The following KIRREL3 variants were observed in gnomAD, a reference collection of about 807,000 sequenced individuals.
The protein encoded by KIRREL3 is kirre like nephrin family adhesion molecule 3, also known as kin of IRRE-like protein 3.
In KIRREL3, 36 loss-of-function variants were observed where a neutral mutation model predicts 89.7. The observed-to-expected ratio is 0.40, with a 90% CI of 0.31 to 0.53. The LOEUF is 0.53. Among genes scored for constraint, KIRREL3 ranks in the 20% least tolerant of loss-of-function variants. The pLI, the probability that KIRREL3 is intolerant of heterozygous loss-of-function variation, is 0.49. For synonymous variants in KIRREL3, 445 were observed against 441.4 expected (o/e 1.01, Z -0.10); for missense variants, 864 against 1,056.6 (o/e 0.82, Z 2.53).
intron 1 of KIRREL3, among the ~76,000 whole-genome samples, chr11:126,957,275 T>G (rs2135167736): frequency 6.6e-6 from 1 of 152,332 alleles, no homozygotes; most frequent in East Asian, 1.9e-4. Flanking sequence ...TCGTGAAAAC[T>G]GCTCATGACT....
At chr11:126,581,257 C>A (rs991269323) in intron 1 of KIRREL3, among the ~76,000 whole-genome samples, 4 of 152,096 alleles carry the variant, frequency 2.6e-5, no homozygotes, top group African/African-American at 9.7e-5. Context: ...GGCTGGAGTG[C>A]AGTGGTGCAA....
rs758811431 is a variant in KIRREL3 at position 126,424,696 on chromosome 11, C to G, written c.2221G>C (p.Val741Leu). ...GCCTTGCTGGCCTTGTCGAACTGCA[C>G]ATAGCCATCCTGCTTGCCGCTGCTG... ...VSSSGKQDGY[V>L]QFDKASKASA... The change falls in exon 17 of 17, where the codon GTG becomes CTG. Residue 741 changes from valine (V) to leucine (L), a missense_variant. By Grantham distance (32) the Val-to-Leu change is conservative. Coordinates refer to ENST00000525144, the MANE Select transcript of KIRREL3 (RefSeq NM_032531.4). 6.2e-7 allele frequency: 1 copy of G among 1,614,028 alleles called. No individual in the cohort carries two copies. The highest frequency in any genetic ancestry group is 1.7e-5 in the Admixed American group (1 of 60,032).
At position 126,521,217 on chromosome 11, in the gene KIRREL3, G is replaced by T; in HGVS notation, c.433+98C>A. 7.7e-7 allele frequency: 1 copy of T among 1,292,142 alleles called. No individual in the cohort carries two copies. Among genetic ancestry groups the T allele is most frequent in the Non-Finnish European group, 1.0e-6 (1 of 977,476 alleles). The allele number at this position is 1,292,142 out of a possible 1,614,324, so 80.0% of individuals were successfully genotyped here. A position where few individuals can be genotyped will look rare whatever the true frequency, so the allele number is the denominator to read the frequency against. Reference sequence around the variant, plus strand: ...GGAGCCCTGTGGGATGATCCCCAGAGGGGAGTCTCCCCATGTCTGACCAAA... The same window carrying T: ...GGAGCCCTGTGGGATGATCCCCAGATGGGAGTCTCCCCATGTCTGACCAAA... On this transcript the variant is annotated intron_variant, in intron 4 of 16. Coordinates refer to ENST00000525144, the MANE Select transcript of KIRREL3 (RefSeq NM_032531.4). This position sits in a 1 kb window ranked among gnomAD's most constrained non-coding sequence, Gnocchi z 4.1.
chr11:126,964,099 G>A (rs890555210), intron 1 of KIRREL3, among the ~76,000 whole-genome samples: 1 of 152,164 alleles, frequency 6.6e-6, no homozygotes, highest in African/African-American at 2.4e-5. Context: ...TACAAGGTTT[G>A]AGAAAGAGAA....
At position 126,491,705 on chromosome 11, in the gene KIRREL3, C is replaced by CT. The variant is rs530721699; in HGVS notation, c.434-18240dup. On this transcript the variant is annotated intron_variant, in intron 4 of 16. Coordinates refer to ENST00000525144, the MANE Select transcript of KIRREL3 (RefSeq NM_032531.4). The surrounding 1 kb of genome is among the most constrained non-coding windows in gnomAD (Gnocchi z 5.5). ...GGATGTTTTTCTTTTTTTCTTTTTT[C>CT]TTTTTTTTTATATTTATACGGAGTC... is the stretch of plus-strand genomic sequence containing the variant. 6.6e-5 allele frequency among the ~76,000 whole-genome samples: 10 copies of CT among 151,268 alleles called. No homozygotes were observed. The highest frequency in any genetic ancestry group is 2.1e-4 in the South Asian group (1 of 4,774).
At position 126,429,345 on chromosome 11, in the gene KIRREL3, C is replaced by A; in HGVS notation, c.1697-57G>T. On this transcript the variant is annotated intron_variant, in intron 14 of 16. Coordinates refer to ENST00000525144, the MANE Select transcript of KIRREL3 (RefSeq NM_032531.4). The surrounding 1 kb of genome is among the most constrained non-coding windows in gnomAD (Gnocchi z 5.2). ...GATTTAGTTCTTACCTTTGAGATGT[C>A]AAGCTCCCTTGCAGTCCCCTGCCCC... is the stretch of plus-strand genomic sequence containing the variant. 1 of 1,299,366 alleles carries A rather than the reference C, an allele frequency of 7.7e-7. No homozygotes were observed. The highest frequency in any genetic ancestry group is 1.2e-5 in the South Asian group (1 of 82,880). 80.5% of individuals were successfully genotyped at this position (1,299,366 alleles called of 1,614,324 possible).
chr11:126,551,585 T>C lies in KIRREL3; in HGVS notation c.133+11250A>G, dbSNP rs1939265627. 6.6e-6 allele frequency among the ~76,000 whole-genome samples: 1 copy of C among 151,880 alleles called. No individual in the cohort carries two copies. Among genetic ancestry groups the C allele is most frequent in the Admixed American group, 6.5e-5 (1 of 15,268 alleles). On this transcript the variant is annotated intron_variant, in intron 2 of 16. Transcript: ENST00000525144. This position sits in a 1 kb window ranked among gnomAD's most constrained non-coding sequence, Gnocchi z 4.9. Reference sequence around the variant, plus strand: ...CAGCAAAAGAATATATATGATCATTTAACAATTAGTCCAGTGCACTGTATT... The same window carrying C: ...CAGCAAAAGAATATATATGATCATTCAACAATTAGTCCAGTGCACTGTATT...
rs1957658246 is a variant in KIRREL3 at position 126,496,455 on chromosome 11, T to C, written c.434-22989A>G. On this transcript the variant is annotated intron_variant, in intron 4 of 16. Transcript: ENST00000525144. This position sits in a 1 kb window ranked among gnomAD's most constrained non-coding sequence, Gnocchi z 4.9. ...CAGTCTTAGGGCCTAGGAATTCCCA[T>C]GATAAGTTCAGTGCCTTCCCTGCCA... Among the ~76,000 whole-genome samples, 1 of 151,990 alleles carries C rather than the reference T, an allele frequency of 6.6e-6. No homozygotes were observed. Among genetic ancestry groups the C allele is most frequent in the South Asian group, 2.1e-4 (1 of 4,822 alleles).
chr11:126,633,747 T>C (rs953970089), intron 1 of KIRREL3, among the ~76,000 whole-genome samples: 62 of 152,170 alleles, frequency 4.1e-4, no homozygotes, highest in Non-Finnish European at 2.9e-5. Flanking sequence ...ATGAAAAGGG[T>C]CTAAGAAAAA....
rs950538210 is a variant in KIRREL3 at position 126,611,928 on chromosome 11, G to A, written c.56-49016C>T. On this transcript the variant is annotated intron_variant, in intron 1 of 16. Coordinates refer to ENST00000525144, the MANE Select transcript of KIRREL3 (RefSeq NM_032531.4). This position sits in a 1 kb window ranked among gnomAD's most constrained non-coding sequence, Gnocchi z 4.7. ...GTCCTTCTCTGGTGACTTTGTCCACGTGGATCTTCAGTTCCTTCAACATGT... is the reference window on the plus strand; with the variant it reads ...GTCCTTCTCTGGTGACTTTGTCCACATGGATCTTCAGTTCCTTCAACATGT... Among the ~76,000 whole-genome samples, 3 of 152,192 alleles carry A rather than the reference G, an allele frequency of 2.0e-5. No homozygotes were observed. The highest frequency in any genetic ancestry group is 6.5e-5 in the Admixed American group (1 of 15,280).
At chr11:126,494,288 G>A (rs1011321531) in intron 4 of KIRREL3, among the ~76,000 whole-genome samples, 1 of 152,162 alleles carries the variant, frequency 6.6e-6, no homozygotes, top group Non-Finnish European at 1.5e-5. Flanking sequence ...TGTTTTTGCT[G>A]TAAATAAAAT....
Position 126,490,794 on chromosome 11 carries a change from G to A in KIRREL3, c.434-17328C>T, listed in dbSNP as rs563151738. 1.3e-4 allele frequency among the ~76,000 whole-genome samples: 20 copies of A among 152,148 alleles called. No individual in the cohort carries two copies. The highest frequency in any genetic ancestry group is 4.8e-4 in the African/African-American group (20 of 41,510). ...TGGGTCTGCCTTCTTCATCTCTTGCGAGTCTGGGACTCCAAGGGCCGAGCA... is the reference window on the plus strand; with the variant it reads ...TGGGTCTGCCTTCTTCATCTCTTGCAAGTCTGGGACTCCAAGGGCCGAGCA... On this transcript the variant is annotated intron_variant, in intron 4 of 16. Coordinates refer to ENST00000525144, the MANE Select transcript of KIRREL3 (RefSeq NM_032531.4). This position sits in a 1 kb window ranked among gnomAD's most constrained non-coding sequence, Gnocchi z 4.2.
In KIRREL3 at chr11:126,668,645, T is replaced by G. The variant is rs1050825511; in HGVS notation, c.56-105733A>C. ...CCCTTCTCGGTTTTCTCAGATAGCA[T>G]GCCATTTGCTGTCTCAAATCTATAA... On this transcript the variant is annotated intron_variant, in intron 1 of 16. Transcript: ENST00000525144. The surrounding 1 kb of genome is among the most constrained non-coding windows in gnomAD (Gnocchi z 4.4). Among the ~76,000 whole-genome samples the G allele has an allele frequency of 1.3e-5, 2 of 152,216 alleles. No homozygotes were observed. The highest frequency in any genetic ancestry group is 2.9e-5 in the Non-Finnish European group (2 of 68,034).
At position 126,501,161 on chromosome 11, in the gene KIRREL3, C is replaced by A. The variant is rs565986978; in HGVS notation, c.433+20154G>T. On this transcript the variant is annotated intron_variant, in intron 4 of 16. Coordinates refer to ENST00000525144, the MANE Select transcript of KIRREL3 (RefSeq NM_032531.4). The surrounding 1 kb of genome is among the most constrained non-coding windows in gnomAD (Gnocchi z 5.8). The stretch of plus-strand genomic sequence containing the variant: ...GGACACTACTGGTGGACAGCTGGTC[C>A]GTCCCACACTTTTCTCTGCACGTCT... 1.3e-5 allele frequency among the ~76,000 whole-genome samples: 2 copies of A among 152,184 alleles called. No homozygotes were observed. Among genetic ancestry groups the A allele is most frequent in the African/African-American group, 4.8e-5 (2 of 41,446 alleles).
chr11:126,699,443 C>A (rs957365010), intron 1 of KIRREL3, among the ~76,000 whole-genome samples: 1 of 152,140 alleles, frequency 6.6e-6, no homozygotes, highest in Admixed American at 6.5e-5. Flanking sequence ...AAATATAATG[C>A]GAGCTGCAGC....
rs1366630352 is a variant in KIRREL3, at chr11:126,535,511, G to T, written c.134-8824C>A. Among the ~76,000 whole-genome samples the T allele has an allele frequency of 6.6e-6, 1 of 152,170 alleles. No individual in the cohort carries two copies. Among genetic ancestry groups the T allele is most frequent in the East Asian group, 1.9e-4 (1 of 5,182 alleles). On this transcript the variant is annotated intron_variant, in intron 2 of 16. Coordinates refer to ENST00000525144, the MANE Select transcript of KIRREL3 (RefSeq NM_032531.4). This position sits in a 1 kb window ranked among gnomAD's most constrained non-coding sequence, Gnocchi z 4.5. ...GAGTCATTTTGCCATGGAAGGCGCA[G>T]ATTACAAGGGCCACGTCACTCGGTG...
At position 126,985,999 on chromosome 11, in the gene KIRREL3, C is replaced by T. The variant is rs1197323771; in HGVS notation, c.55+14456G>A. Among the ~76,000 whole-genome samples, 2 of 152,138 alleles carry T rather than the reference C, an allele frequency of 1.3e-5. No individual in the cohort carries two copies. The highest frequency in any genetic ancestry group is 4.8e-5 in the African/African-American group (2 of 41,418). ...GCCAGCTCACTTAGTCTTTCTGTTT[C>T]TCTGTCTCTCCTCTCTGGCCTGTAC... On this transcript the variant is annotated intron_variant, in intron 1 of 16. Coordinates refer to ENST00000525144, the MANE Select transcript of KIRREL3 (RefSeq NM_032531.4). The surrounding 1 kb of genome is among the most constrained non-coding windows in gnomAD (Gnocchi z 5.3).
intron 7 of KIRREL3, among the ~76,000 whole-genome samples, chr11:126,453,122 T>G (rs1346097320): frequency 7.1e-6 from 1 of 140,908 alleles, no homozygotes; most frequent in African/African-American, 2.6e-5. Flanking sequence ...GGAGTCAGCT[T>G]AAGCCTCTCC....
At position 126,463,570 on chromosome 11, in the gene KIRREL3, T is replaced by C. The variant is rs547543861; in HGVS notation, c.592-263A>G. 6.6e-6 allele frequency among the ~76,000 whole-genome samples: 1 copy of C among 152,342 alleles called. No individual in the cohort carries two copies. Among genetic ancestry groups the C allele is most frequent in the East Asian group, 1.9e-4 (1 of 5,168 alleles). On this transcript the variant is annotated intron_variant, in intron 5 of 16. Transcript: ENST00000525144. This position sits in a 1 kb window ranked among gnomAD's most constrained non-coding sequence, Gnocchi z 5.9. ...ATGTGAAAATTAGCCTGGATTCACATGCTAAAAGCACAAAAGAAAGCAGGA... is the reference window on the plus strand; with the variant it reads ...ATGTGAAAATTAGCCTGGATTCACACGCTAAAAGCACAAAAGAAAGCAGGA...
Sources: gnomAD v4.1 joint callset for allele counts (sites outside exome capture counted in the v4.1 genomes callset) on GRCh38, gnomAD v4.1.1 for gene constraint, Gnocchi (gnomAD v3.1) non-coding constraint, MANE v1.5 for transcripts, NCBI Gene and HGNC (gene_info 2026-07-23, HGNC 2026-07-21) for gene names.